CFAP20DC: variants seen among roughly 807,000 people sequenced by gnomAD.
The protein encoded by CFAP20DC is protein CFAP20DC.
CFAP20DC carries 84 observed loss-of-function variants against 101.7 expected under a neutral mutation model. The ratio of observed to expected loss-of-function variants is 0.83; its 90% CI spans 0.69 to 0.99. The LOEUF (loss-of-function observed/expected upper bound fraction) is 0.99. Ranked by LOEUF, CFAP20DC falls within the 50% of genes least tolerant of loss-of-function variation. The pLI is 0.00. For synonymous variants in CFAP20DC, 359 were observed against 351.2 expected (o/e 1.02, Z -0.25); for missense variants, 1,007 against 970.3 (o/e 1.04, Z -0.50).
intron 6 of CFAP20DC, among the ~76,000 whole-genome samples, chr3:58,908,807 A>G (rs2083859044): frequency 6.6e-6 from 1 of 152,204 alleles, no homozygotes; most frequent in African/African-American, 2.4e-5. Flanking sequence ...ACAATGGAAT[A>G]TTATCCGGTG....
At position 58,870,245 on chromosome 3, in the gene CFAP20DC, G is replaced by A. The variant is rs77036152; in HGVS notation, c.780C>T (p.Ile260=). The A allele has an allele frequency of 2.2e-3, 3,508 of 1,613,766 alleles. 56 individuals carry two copies. The African/African-American group carries it at 0.034, about 16-fold the overall frequency. The change falls in exon 8 of 17, where the codon ATC becomes ATT. Residue 260 remains isoleucine, a synonymous_variant. Transcript: ENST00000482387. The part of the protein sequence containing the change: ...RNSKNQDVCH[I]AFGSKVLGPP... ...GCCCAAGAACTTTGGATCCAAATGC[G>A]ATATGACAAACATCTTGATTTTTAC...
chr3:58,771,260 G>A (rs549831344), intron 15 of CFAP20DC, among the ~76,000 whole-genome samples: 2 of 151,692 alleles, frequency 1.3e-5, no homozygotes, highest in South Asian at 2.1e-4. Context: ...AGGGGTGGGG[G>A]ACTAGGGGAG....
At position 58,937,685 on chromosome 3, in the gene CFAP20DC, T is replaced by A; in HGVS notation, c.356A>T (p.His119Leu). The A allele has an allele frequency of 6.2e-7, 1 of 1,612,390 alleles. No individual in the cohort carries two copies. The highest frequency in any genetic ancestry group is 1.1e-5 in the South Asian group (1 of 91,018). ...VHKELSSTPL[H>L]AKIPLFMIKR... ...GATCATGAAGAGTGGAATTTTTGCA[T>A]GAAGAGGGGTGGAGGATAGTTCCTT... Residue 119 changes from histidine to leucine, a missense_variant, in exon 5 of 17, where the codon CAT becomes CTT. Transcript: ENST00000482387.
intron 4 of CFAP20DC, among the ~76,000 whole-genome samples, chr3:59,010,258 A>C (rs1026892140): frequency 3.3e-5 from 5 of 152,178 alleles, no homozygotes; most frequent in African/African-American, 9.7e-5. Flanking sequence ...TAAAAGATGC[A>C]GAATGGCAGA....
At chr3:58,796,522 G>A (rs1053748712) in intron 15 of CFAP20DC, among the ~76,000 whole-genome samples, 2 of 152,108 alleles carry the variant, frequency 1.3e-5, no homozygotes, top group African/African-American at 4.8e-5. Context: ...TGTATCAAGT[G>A]CTTTAAACGT....
Position 58,914,916 on chromosome 3 carries a change from T to A in CFAP20DC, c.394-1052A>T, listed in dbSNP as rs1215926030. 6.6e-6 allele frequency: 1 copy of A among 152,106 alleles called. No individual in the cohort carries two copies. Among genetic ancestry groups the A allele is most frequent in the East Asian group, 1.9e-4 (1 of 5,198 alleles). 9.4% of individuals were successfully genotyped at this position (152,106 alleles called of 1,614,324 possible). A position where few individuals can be genotyped will look rare whatever the true frequency, so the allele number is the denominator to read the frequency against. On this transcript the variant is annotated intron_variant, in intron 5 of 16. Coordinates refer to ENST00000482387, the MANE Select transcript of CFAP20DC (RefSeq NM_001394063.1). The surrounding 1 kb of genome is among the most constrained non-coding windows in gnomAD (Gnocchi z 4.9). ...TCTTTGTGGAGAGAGGAGCCTGGTG[T>A]CAGCAAAGGCAGCAGGTAAACTGAG...
rs890312753 is a variant in CFAP20DC, at chr3:59,014,433, T to G, written c.278+25124A>C. Among the ~76,000 whole-genome samples, 1 of 152,184 alleles carries G rather than the reference T, an allele frequency of 6.6e-6. No individual in the cohort carries two copies. On this transcript the variant is annotated intron_variant, in intron 4 of 16. Coordinates refer to ENST00000482387, the MANE Select transcript of CFAP20DC (RefSeq NM_001394063.1). The surrounding 1 kb of genome is among the most constrained non-coding windows in gnomAD (Gnocchi z 4.9). Reference sequence around the variant, plus strand: ...TTTTAACTAAATATTAACTGAAACTTTATGATATCTATAATCCAAATAGTG... The same window carrying G: ...TTTTAACTAAATATTAACTGAAACTGTATGATATCTATAATCCAAATAGTG...
At chr3:58,803,404 C>G (rs1030673982) in intron 15 of CFAP20DC, among the ~76,000 whole-genome samples, 2 of 152,120 alleles carry the variant, frequency 1.3e-5, no homozygotes, top group Admixed American at 6.6e-5. Context: ...CTTCTCATTT[C>G]TTATATTTTT....
At position 59,001,524 on chromosome 3, in the gene CFAP20DC, G is replaced by A. The variant is rs528310495; in HGVS notation, c.278+38033C>T. Among the ~76,000 whole-genome samples the A allele has an allele frequency of 6.6e-6, 1 of 152,278 alleles. No homozygotes were observed. The highest frequency in any genetic ancestry group is 2.1e-4 in the South Asian group (1 of 4,818). ...CCTCCCAGGTTCAAGTGATTCTCCT[G>A]CCTCAGCCTCCCGAATAGCTGGGAT... On this transcript the variant is annotated intron_variant, in intron 4 of 16. Transcript: ENST00000482387. This position sits in a 1 kb window ranked among gnomAD's most constrained non-coding sequence, Gnocchi z 4.5.
intron 4 of CFAP20DC, among the ~76,000 whole-genome samples, chr3:58,949,093 T>C (rs1266367094): frequency 2.6e-5 from 4 of 152,220 alleles, no homozygotes; most frequent in Non-Finnish European, 5.9e-5. Flanking sequence ...GTTTATAGTA[T>C]TCTCTGATGG....
chr3:58,898,891 ATTG>A (rs1205731020), intron 6 of CFAP20DC, among the ~76,000 whole-genome samples: 1 of 145,262 alleles, frequency 6.9e-6, no homozygotes, highest in East Asian at 2.0e-4. Context: ...TGTTTATGTT[ATTG>A]TTGTTTTCTC....
intron 6 of CFAP20DC, among the ~76,000 whole-genome samples, chr3:58,901,722 C>T (rs888879399): frequency 1.3e-5 from 2 of 152,116 alleles, no homozygotes; most frequent in Non-Finnish European, 2.9e-5. Flanking sequence ...CTGAATGAAT[C>T]ATGCCTTTAG....
intron 16 of CFAP20DC, 120 bp downstream of exon 16, chr3:58,753,649 G>A (rs927853907): frequency 3.1e-5 from 22 of 710,018 alleles, no homozygotes; most frequent in Non-Finnish European, 4.4e-5. Context: ...CTCATTTAGG[G>A]TGTGTAAGAC....
rs1204229780 is a variant in CFAP20DC, at chr3:58,838,620, G to A, written c.1972-6731C>T. On this transcript the variant is annotated intron_variant, in intron 13 of 16. Coordinates refer to ENST00000482387, the MANE Select transcript of CFAP20DC (RefSeq NM_001394063.1). ...TAAAAAAAGATCTTTATATTGATGT[G>A]CTATATTTATATAGAATAACTTTTT... Among the ~76,000 whole-genome samples the A allele has an allele frequency of 6.6e-5, 10 of 152,176 alleles. No homozygotes were observed. The East Asian group carries it at 1.9e-3, about 29-fold the overall frequency.
intron 15 of CFAP20DC, among the ~76,000 whole-genome samples, chr3:58,775,810 A>T (rs2071283618): frequency 1.4e-5 from 2 of 140,346 alleles, no homozygotes; most frequent in Non-Finnish European, 3.0e-5. Flanking sequence ...CAGTGGCGTG[A>T]TCTCGTCTCA....
chr3:58,814,155 C>A (rs2074918226), intron 14 of CFAP20DC, among the ~76,000 whole-genome samples: 1 of 151,806 alleles, frequency 6.6e-6, no homozygotes, highest in African/African-American at 2.4e-5. Flanking sequence ...GCATCACAGA[C>A]CTGATATTCA....
At chr3:58,986,787 G>A (rs1475534808) in intron 4 of CFAP20DC, among the ~76,000 whole-genome samples, 1 of 151,956 alleles carries the variant, frequency 6.6e-6, no homozygotes, top group African/African-American at 2.4e-5. Context: ...AGCAATCCAT[G>A]CTACAGGTAC....
intron 4 of CFAP20DC, among the ~76,000 whole-genome samples, chr3:58,939,236 T>C (rs2107803820): frequency 6.6e-6 from 1 of 152,150 alleles, no homozygotes; most frequent in East Asian, 1.9e-4. Context: ...ATTTTACTAA[T>C]GGGGTACAGG....
chr3:58,721,529 A>G lies in CFAP20DC; in HGVS notation c.198-3901T>C, dbSNP rs78134277. On this transcript the variant is annotated intron_variant, in intron 3 of 3. Transcript: ENST00000486145. The surrounding 1 kb of genome is among the most constrained non-coding windows in gnomAD (Gnocchi z 5.2). The stretch of plus-strand genomic sequence containing the variant: ...CTGAAGGATACGGGGGCATTAATAC[A>G]TGCAACAGGGAAGGAAGGGAGCAAG... 0.032 allele frequency among the ~76,000 whole-genome samples: 4,820 copies of G among 152,282 alleles called. 265 individuals carry two copies. The highest frequency in any genetic ancestry group is 0.11 in the African/African-American group (4,381 of 41,544).
Sources: allele counts gnomAD v4.1 joint callset (sites outside exome capture counted in the v4.1 genomes callset), GRCh38; gene constraint gnomAD v4.1.1; non-coding constraint Gnocchi (gnomAD v3.1); transcripts MANE v1.5; gene names NCBI Gene and HGNC (gene_info 2026-07-23, HGNC 2026-07-21).